CCSER1: variants seen among roughly 807,000 people sequenced by gnomAD.
The protein encoded by CCSER1 is coiled-coil serine rich protein 1, also known as serine-rich coiled-coil domain-containing protein 1.
CCSER1 carries 41 observed loss-of-function variants against 82.0 expected under a neutral mutation model. That is an observed-to-expected ratio of 0.50 (90% CI 0.39 to 0.65). The LOEUF (loss-of-function observed/expected upper bound fraction) is 0.65. Among genes scored for constraint, CCSER1 ranks in the 30% least tolerant of loss-of-function variants. CCSER1 has a pLI of 0.00. For synonymous variants in CCSER1, 414 were observed against 383.9 expected (o/e 1.08, Z -0.92); for missense variants, 1,119 against 1,064.2 (o/e 1.05, Z -0.72).
Position 91,343,753 on chromosome 4 carries a change from C to T in CCSER1, c.2218-254819C>T, listed in dbSNP as rs111625022. Among the ~76,000 whole-genome samples, 769 of 152,236 alleles carry T rather than the reference C, an allele frequency of 5.1e-3. 4 individuals carry two copies. The highest frequency in any genetic ancestry group is 6.8e-3 in the Middle Eastern group (2 of 294). ...TAAGAAAGAGAGAGGAGGTACTAGA[C>T]TAAGCCCCTCATCAGACAATACGAT... is the stretch of plus-strand genomic sequence containing the variant. On this transcript the variant is annotated intron_variant, in intron 10 of 10. Coordinates refer to ENST00000509176, the MANE Select transcript of CCSER1 (RefSeq NM_001145065.2).
chr4:90,610,146 G>T (rs1484795512), intron 5 of CCSER1, among the ~76,000 whole-genome samples: 1 of 151,792 alleles, frequency 6.6e-6, no homozygotes, highest in Non-Finnish European at 1.5e-5. Context: ...CCAGCTACTC[G>T]GGAGGCTGAG....
At chr4:90,898,444 A>ATT (rs538250886) in intron 8 of CCSER1, among the ~76,000 whole-genome samples, 18 of 138,852 alleles carry the variant, frequency 1.3e-4, no homozygotes, top group African/African-American at 3.4e-4. Flanking sequence ...TGCCTGGCTA[A>ATT]TTTTTTTTTT....
At chr4:90,572,785 A>G (rs899343257) in intron 5 of CCSER1, among the ~76,000 whole-genome samples, 1 of 152,144 alleles carries the variant, frequency 6.6e-6, no homozygotes, top group Non-Finnish European at 1.5e-5. Context: ...GAGCTTTCTT[A>G]AAACAGTTTG....
chr4:90,291,278 C>G (rs1730895999), intron 1 of CCSER1, among the ~76,000 whole-genome samples: 1 of 151,928 alleles, frequency 6.6e-6, no homozygotes, highest in Non-Finnish European at 1.5e-5. Flanking sequence ...AAGTACTTAA[C>G]TAGTTTAGGT....
At chr4:90,829,095 G>T (rs1760824912) in intron 8 of CCSER1, among the ~76,000 whole-genome samples, 1 of 152,030 alleles carries the variant, frequency 6.6e-6, no homozygotes, top group Non-Finnish European at 1.5e-5. Flanking sequence ...AAGACAAGTA[G>T]TCAAGAGAAA....
At chr4:90,444,253 G>T (rs992277236) in intron 4 of CCSER1, among the ~76,000 whole-genome samples, 1 of 151,896 alleles carries the variant, frequency 6.6e-6, no homozygotes, top group East Asian at 1.9e-4. Context: ...TAGTACTATG[G>T]CCAGAGAGAG....
chr4:91,085,454 C>G (rs552124782), intron 9 of CCSER1, among the ~76,000 whole-genome samples: 6 of 152,092 alleles, frequency 3.9e-5, no homozygotes, highest in Admixed American at 3.3e-4. Context: ...TTGTGGAGAT[C>G]AGGTATGCTA....
chr4:91,207,930 G>A (rs975428359), intron 10 of CCSER1, among the ~76,000 whole-genome samples: 3 of 151,874 alleles, frequency 2.0e-5, no homozygotes, highest in African/African-American at 7.2e-5. Flanking sequence ...TCTGACTGGT[G>A]CGAGATGGTA....
chr4:90,332,310 C>T (rs1205159220), intron 3 of CCSER1, among the ~76,000 whole-genome samples: 2 of 150,664 alleles, frequency 1.3e-5, no homozygotes, highest in African/African-American at 4.9e-5. Context: ...GATTTTGGCT[C>T]ACTGCAACCT....
chr4:90,706,246 C>G (rs907399345), intron 6 of CCSER1, among the ~76,000 whole-genome samples: 2 of 152,136 alleles, frequency 1.3e-5, no homozygotes, highest in Admixed American at 1.3e-4. Flanking sequence ...TGAAAACCAC[C>G]TAAAAATTGC....
intron 3 of CCSER1, among the ~76,000 whole-genome samples, chr4:90,329,518 C>T (rs1204549033): frequency 6.6e-6 from 1 of 152,068 alleles, no homozygotes; most frequent in Non-Finnish European, 1.5e-5. Flanking sequence ...TTTACCATGA[C>T]AGTGTTAGTT....
chr4:91,364,290 T>C (rs1276270519), intron 10 of CCSER1, among the ~76,000 whole-genome samples: 1 of 152,080 alleles, frequency 6.6e-6, no homozygotes, highest in Non-Finnish European at 1.5e-5. Context: ...TCTATAAATA[T>C]ATAAAATTAG....
At chr4:91,486,653 A>G (rs894764157) in intron 10 of CCSER1, among the ~76,000 whole-genome samples, 4 of 152,148 alleles carry the variant, frequency 2.6e-5, no homozygotes, top group African/African-American at 9.7e-5. Context: ...CATAACAACT[A>G]TTTACATAGC....
intron 10 of CCSER1, among the ~76,000 whole-genome samples, chr4:91,344,941 C>T (rs1327418980): frequency 6.6e-6 from 1 of 152,078 alleles, no homozygotes; most frequent in African/African-American, 2.4e-5. Flanking sequence ...TGTTTATGAG[C>T]AATAAGTATG....
chr4:90,792,949 G>A (rs1755474947), intron 7 of CCSER1, among the ~76,000 whole-genome samples: 1 of 152,190 alleles, frequency 6.6e-6, no homozygotes, highest in African/African-American at 2.4e-5. Context: ...GAAGTGTTTG[G>A]AGTGCAGATG....
At chr4:91,460,993 T>C (rs1167673563) in intron 10 of CCSER1, among the ~76,000 whole-genome samples, 1 of 152,210 alleles carries the variant, frequency 6.6e-6, no homozygotes, top group African/African-American at 2.4e-5. Context: ...TTATGACTTT[T>C]AGAGATGTCT....
chr4:90,413,247 C>T (rs1390135916), intron 4 of CCSER1, among the ~76,000 whole-genome samples: 1 of 152,034 alleles, frequency 6.6e-6, no homozygotes, highest in Non-Finnish European at 1.5e-5. Flanking sequence ...TAACCAAGGA[C>T]ATGAAAGACC....
At chr4:90,887,019 G>A (rs1285013579) in intron 8 of CCSER1, among the ~76,000 whole-genome samples, 1 of 152,132 alleles carries the variant, frequency 6.6e-6, no homozygotes, top group Non-Finnish European at 1.5e-5. Context: ...TAAAAGGGAA[G>A]GAGATTTATA....
chr4:90,332,481 C>T (rs146155832), intron 3 of CCSER1, among the ~76,000 whole-genome samples: 1,858 of 152,194 alleles, frequency 0.012, 38 homozygotes, highest in African/African-American at 0.042. Flanking sequence ...GGTGATCCAC[C>T]TGCCTTGGCC....
Sources: allele counts gnomAD v4.1 joint callset (sites outside exome capture counted in the v4.1 genomes callset), GRCh38; gene constraint gnomAD v4.1.1; transcripts MANE v1.5; gene names NCBI Gene and HGNC (gene_info 2026-07-23, HGNC 2026-07-21).